The following GPR26 variants were observed in gnomAD, a reference collection of about 807,000 sequenced individuals.
The protein encoded by GPR26 is G protein-coupled receptor 26.
Under a neutral mutation model 23.1 loss-of-function variants are expected in GPR26, and 15 were observed. The ratio of observed to expected loss-of-function variants is 0.65; its 90% CI spans 0.43 to 1.00. The LOEUF is 1.00. Ranked by LOEUF, GPR26 falls within the 50% of genes least tolerant of loss-of-function variation. GPR26 has a pLI of 0.00. For synonymous variants in GPR26, 228 were observed against 222.1 expected, an observed-to-expected ratio of 1.03 and a Z score of -0.24; for missense variants, 359 against 470.5, an observed-to-expected ratio of 0.76 and a Z score of 2.19.
At position 123,666,597 on chromosome 10, in the gene GPR26, C is replaced by A; in HGVS notation, c.190C>A (p.Leu64Met). The A allele has an allele frequency of 1.3e-6, 2 of 1,593,796 alleles. No individual in the cohort carries two copies. Among genetic ancestry groups the A allele is most frequent in the Non-Finnish European group, 1.7e-6 (2 of 1,172,532 alleles). The change falls in exon 1 of 3, where the codon CTG becomes ATG. Residue 64 changes from leucine to methionine, a missense_variant. By Grantham distance (15) the Leu-to-Met change is conservative (BLOSUM62 2). Transcript: ENST00000284674. The part of the protein sequence containing the change: ...LCTVVNMPLT[L>M]AGVVAQRQPA... ...CACCGTGGTCAACATGCCGCTCACG[C>A]TGGCCGGCGTCGTGGCGCAGCGGCA... is the stretch of plus-strand genomic sequence containing the variant.
At chr10:123,670,868 T>C (rs1845241934) in intron 1 of GPR26, among the ~76,000 whole-genome samples, 2 of 152,150 alleles carry the variant, frequency 1.3e-5, no homozygotes, top group South Asian at 2.1e-4. Context: ...CATTTAGAGC[T>C]TGGTTTGGAA....
intron 1 of GPR26, among the ~76,000 whole-genome samples, chr10:123,671,402 C>G (rs770129786): frequency 2.0e-5 from 3 of 152,130 alleles, no homozygotes; most frequent in African/African-American, 4.8e-5. Flanking sequence ...TCCCCTCCCC[C>G]GCTCAGCCAC....
intron 1 of GPR26, among the ~76,000 whole-genome samples, chr10:123,669,830 C>T (rs911767924): frequency 2.0e-5 from 3 of 152,212 alleles, no homozygotes; most frequent in Non-Finnish European, 2.9e-5. Flanking sequence ...AAGCATTCCG[C>T]ACTCCTGCCT....
intron 1 of GPR26, among the ~76,000 whole-genome samples, chr10:123,673,402 C>T (rs193129922): frequency 1.3e-5 from 2 of 152,234 alleles, no homozygotes; most frequent in Admixed American, 1.3e-4. Flanking sequence ...TAACAGACTG[C>T]CTATTTTTGG....
chr10:123,688,235 G>A lies in GPR26; in HGVS notation c.*75G>A. On this transcript the variant is annotated 3_prime_UTR_variant, in exon 3 of 3. Coordinates refer to ENST00000284674, the MANE Select transcript of GPR26 (RefSeq NM_153442.4). ...AGGGTGGGAGGGCGTGGGGGCCCCTGGGTGGACACCACCAGCCACCAGTCC... is the reference window on the plus strand; with the variant it reads ...AGGGTGGGAGGGCGTGGGGGCCCCTAGGTGGACACCACCAGCCACCAGTCC... 3.4e-6 allele frequency: 3 copies of A among 872,696 alleles called. No homozygotes were observed. The South Asian group carries it at 4.5e-5, about 13-fold the overall frequency. 54.1% of individuals were successfully genotyped at this position (872,696 alleles called of 1,614,324 possible). A position where few individuals can be genotyped will look rare whatever the true frequency, so the allele number is the denominator to read the frequency against.
In GPR26 at chr10:123,687,929, G is replaced by C; in HGVS notation, c.783G>C (p.Arg261Ser). ...LVCFAPYVIT[R>S]LVELFSTVPI... The stretch of plus-strand genomic sequence containing the variant: ...TAACAGCTTCCCTGTCTCTCCACAG[G>C]CTAGTGGAGCTCTTCTCCACGGTGC... Residue 261 changes from arginine to serine, a missense_variant and splice_region_variant, in exon 3 of 3, where the codon AGG (arginine) becomes AGC (serine). Coordinates refer to ENST00000284674, the MANE Select transcript of GPR26 (RefSeq NM_153442.4). 2 of 1,596,648 alleles carry C rather than the reference G, an allele frequency of 1.3e-6. No individual in the cohort carries two copies. The highest frequency in any genetic ancestry group is 1.7e-6 in the Non-Finnish European group (2 of 1,164,584).
At chr10:123,676,756 C>T (rs769751501) in intron 2 of GPR26, among the ~76,000 whole-genome samples, 1 of 152,096 alleles carries the variant, frequency 6.6e-6, no homozygotes, top group Non-Finnish European at 1.5e-5. Flanking sequence ...TGTGCCTCTC[C>T]AGAGCCCAAA....
At chr10:123,672,783 A>G (rs1310168636) in intron 1 of GPR26, among the ~76,000 whole-genome samples, 1 of 152,124 alleles carries the variant, frequency 6.6e-6, no homozygotes, top group Non-Finnish European at 1.5e-5. Flanking sequence ...TTCCTTTTAA[A>G]ACTTGGATAG....
At chr10:123,677,116 C>T (rs1005224397) in intron 2 of GPR26, among the ~76,000 whole-genome samples, 2 of 152,096 alleles carry the variant, frequency 1.3e-5, no homozygotes, top group African/African-American at 2.4e-5. Context: ...ATAGGTGACA[C>T]GGCTCCAACT....
intron 2 of GPR26, among the ~76,000 whole-genome samples, chr10:123,680,986 C>T (rs1000276531): frequency 1.3e-5 from 2 of 152,006 alleles, no homozygotes; most frequent in Admixed American, 6.6e-5. Context: ...ACTGCAGGTG[C>T]GCACCATCAG....
intron 1 of GPR26, among the ~76,000 whole-genome samples, chr10:123,668,548 C>T (rs1878167): frequency 0.31 from 47,744 of 152,144 alleles, 8,019 homozygotes; most frequent in East Asian, 0.62. Context: ...AGGAGTGACA[C>T]GAGTGCATTC....
rs4980313 is a variant in GPR26 at position 123,667,049 on chromosome 10, G to T, written c.642G>T (p.Leu214=). The change falls in exon 1 of 3, where the codon CTG becomes CTT. Residue 214 remains leucine (L), a synonymous_variant. Transcript: ENST00000284674. ...TCGACGTGATCACCATGCAGACGCT[G>T]GTGCTGCTGGTGGACCTGCACCCCA... The part of the protein sequence containing the change: ...KRIDVITMQT[L]VLLVDLHPSV... The T allele has an allele frequency of 1.9e-5, 31 of 1,600,908 alleles. No homozygotes were observed. The African/African-American group carries it at 3.6e-4, about 19-fold the overall frequency.
In GPR26 at chr10:123,674,833, T is replaced by C. The variant is rs1201785597; in HGVS notation, c.684T>C (p.Cys228=). Residue 228 remains cysteine (C), a synonymous_variant, in exon 2 of 3, where the codon TGT becomes TGC. Transcript: ENST00000284674. The surrounding 1 kb of genome is among the most constrained non-coding windows in gnomAD (Gnocchi z 4.1). The part of the protein sequence containing the change: ...VDLHPSVRER[C]LEEQKRRRQR... ...TCACATGCAGTGTGCGGGAACGCTG[T>C]CTGGAGGAGCAGAAGCGGAGGCGAC... 2 of 1,613,048 alleles carry C rather than the reference T, an allele frequency of 1.2e-6. No individual in the cohort carries two copies. The highest frequency in any genetic ancestry group is 1.3e-5 in the African/African-American group (1 of 74,952).
intron 2 of GPR26, among the ~76,000 whole-genome samples, chr10:123,678,620 C>T (rs1418982219): frequency 6.6e-6 from 1 of 152,224 alleles, no homozygotes; most frequent in African/African-American, 2.4e-5. Flanking sequence ...TTGCCAATCC[C>T]TCTACCCCCA....
At chr10:123,685,427 C>T (rs973913571) in intron 2 of GPR26, among the ~76,000 whole-genome samples, 1 of 152,226 alleles carries the variant, frequency 6.6e-6, no homozygotes, top group Non-Finnish European at 1.5e-5. Flanking sequence ...ACGGCAGGCG[C>T]AGGGAACCAC....
In GPR26 at chr10:123,666,495, C is replaced by A. The variant is rs759312499; in HGVS notation, c.88C>A (p.Leu30Met). Residue 30 changes from leucine to methionine, a missense_variant, in exon 1 of 3, where the codon CTG (leucine) becomes ATG (methionine). By Grantham distance (15) the Leu-to-Met change is conservative. Transcript: ENST00000284674. Reference protein sequence around the residue: ...LLSNALVLLCLLHSADIRRQA... With the variant: ...LLSNALVLLCMLHSADIRRQA... ...GTCCAACGCGCTGGTGCTGCTCTGC[C>A]TGCTGCACAGCGCGGACATCCGCCG... The A allele has an allele frequency of 6.4e-7, 1 of 1,570,330 alleles. No homozygotes were observed. The highest frequency in any genetic ancestry group is 8.6e-7 in the Non-Finnish European group (1 of 1,162,576).
chr10:123,694,010 G>GA lies in GPR26; in HGVS notation c.*5851dup, dbSNP rs1351513351. 2 of 150,362 alleles carry GA rather than the reference G, an allele frequency of 1.3e-5. No individual in the cohort carries two copies. Among genetic ancestry groups the GA allele is most frequent in the African/African-American group, 4.8e-5 (2 of 41,302 alleles). The allele number at this position is 150,362 out of a possible 1,614,324, so 9.3% of individuals were successfully genotyped here. On this transcript the variant is annotated 3_prime_UTR_variant, in exon 3 of 3. Coordinates refer to ENST00000284674, the MANE Select transcript of GPR26 (RefSeq NM_153442.4). ...GCTGCAGGCTGTGGTCCAGAACTAT[G>GA]AGCAGACTTGCCTGTCACTCTCCAA...
intron 1 of GPR26, among the ~76,000 whole-genome samples, chr10:123,672,988 GA>G (rs1237507112): frequency 6.6e-6 from 1 of 151,998 alleles, no homozygotes; most frequent in East Asian, 1.9e-4. Flanking sequence ...TTAAATAAAT[GA>G]ATAATTCCCC....
chr10:123,680,667 G>T (rs1430238203), intron 2 of GPR26, among the ~76,000 whole-genome samples: 1 of 152,166 alleles, frequency 6.6e-6, no homozygotes, highest in Admixed American at 6.5e-5. Flanking sequence ...GAAAGGAAAA[G>T]TAAGGACAAG....
Sources: gnomAD v4.1 joint callset for allele counts (sites outside exome capture counted in the v4.1 genomes callset) on GRCh38, gnomAD v4.1.1 for gene constraint, Gnocchi (gnomAD v3.1) non-coding constraint, MANE v1.5 for transcripts, NCBI Gene and HGNC (gene_info 2026-07-23, HGNC 2026-07-21) for gene names.